ENPEP: variants seen among roughly 807,000 people sequenced by gnomAD.
ENPEP encodes AP-A.
In ENPEP, 103 loss-of-function variants were observed where a neutral mutation model predicts 114.5. That is an observed-to-expected ratio of 0.90 (90% CI 0.77 to 1.06). The LOEUF (loss-of-function observed/expected upper bound fraction) is 1.06, where lower values mean the gene tolerates loss of function less well. Ranked by LOEUF, ENPEP falls within the 50% of genes least tolerant of loss-of-function variation. ENPEP has a pLI of 0.00. For missense variants in ENPEP, 1,196 were observed against 1,161.3 expected (o/e 1.03, Z -0.43); for synonymous variants, 420 against 422.0 (o/e 1.00, Z 0.06).
chr4:110,483,640 G>A (rs957012020), intron 1 of ENPEP, among the ~76,000 whole-genome samples: 1 of 152,152 alleles, frequency 6.6e-6, no homozygotes. Flanking sequence ...ATTGTGCTAG[G>A]TCTAGTAAGT....
intron 5 of ENPEP, 60 bp from the exon 6 acceptor site, chr4:110,510,185 C>T: frequency 7.3e-7 from 1 of 1,372,384 alleles, no homozygotes; most frequent in Non-Finnish European, 1.0e-6. Context: ...TTGACATTTT[C>T]TAGGCCTCTC....
chr4:110,498,613 G>A (rs561076648), intron 3 of ENPEP, among the ~76,000 whole-genome samples: 3 of 152,144 alleles, frequency 2.0e-5, no homozygotes, highest in Non-Finnish European at 2.9e-5. Context: ...CAATAGACAA[G>A]GACAATAAGG....
At chr4:110,503,027 T>C (rs1210533002) in intron 3 of ENPEP, among the ~76,000 whole-genome samples, 1 of 152,148 alleles carries the variant, frequency 6.6e-6, no homozygotes, top group Non-Finnish European at 1.5e-5. Context: ...TTACATTAGG[T>C]ATATCTCCTA....
At chr4:110,530,263 A>G (rs1033092198) in intron 10 of ENPEP, among the ~76,000 whole-genome samples, 1 of 152,214 alleles carries the variant, frequency 6.6e-6, no homozygotes, top group Admixed American at 6.5e-5. Flanking sequence ...AAACACTTCA[A>G]TAGTTATAAA....
chr4:110,538,468 G>T (rs1726727228), intron 11 of ENPEP, among the ~76,000 whole-genome samples: 1 of 152,174 alleles, frequency 6.6e-6, no homozygotes, highest in Admixed American at 6.5e-5. Flanking sequence ...GAGAGTTAGG[G>T]TCCTTCTCTG....
chr4:110,549,254 C>T, intron 14 of ENPEP, 92 bp from the exon 15 acceptor site: 3 of 1,025,696 alleles, frequency 2.9e-6, no homozygotes, highest in Admixed American at 2.1e-5. Context: ...AGTAGGAAAA[C>T]AGATTATAAC....
At chr4:110,503,525 T>C (rs1405157262) in intron 3 of ENPEP, among the ~76,000 whole-genome samples, 1 of 152,194 alleles carries the variant, frequency 6.6e-6, no homozygotes, top group Admixed American at 6.5e-5. Flanking sequence ...TTCCTATCCA[T>C]ATTCTGAATT....
intron 12 of ENPEP, 32 bp downstream of exon 12, chr4:110,542,919 T>G (rs950012466): frequency 2.5e-6 from 4 of 1,610,640 alleles, no homozygotes; most frequent in Non-Finnish European, 3.4e-6. Context: ...AAACTTTTAT[T>G]TTTGTTCTAA....
chr4:110,542,460 C>T (rs534568960), intron 11 of ENPEP, among the ~76,000 whole-genome samples: 12 of 152,128 alleles, frequency 7.9e-5, no homozygotes, highest in South Asian at 2.1e-4. Context: ...TTGACCAGCA[C>T]GAAATTATTT....
chr4:110,507,261 A>G (rs1253129443), intron 4 of ENPEP, among the ~76,000 whole-genome samples: 1 of 152,212 alleles, frequency 6.6e-6, no homozygotes, highest in Non-Finnish European at 1.5e-5. Flanking sequence ...TGCTCCTTCC[A>G]GCAATAATTT....
intron 10 of ENPEP, among the ~76,000 whole-genome samples, chr4:110,523,299 GCT>G (rs544980818): frequency 1.7e-3 from 264 of 152,242 alleles, no homozygotes; most frequent in African/African-American, 6.1e-3. Flanking sequence ...GCTCTTGCTT[GCT>G]CTCTCTCACC....
chr4:110,561,379 T>C (rs1378936120), intron 19 of ENPEP, 27 bp from the exon 20 acceptor site: 2 of 1,608,478 alleles, frequency 1.2e-6, no homozygotes, highest in South Asian at 1.1e-5. Flanking sequence ...TAAATGACAA[T>C]CCTAATTACT....
intron 18 of ENPEP, chr4:110,559,022 A>C (rs183755301): frequency 6.6e-6 from 1 of 152,410 alleles, no homozygotes; most frequent in Non-Finnish European, 1.5e-5. Flanking sequence ...GTTCTGCCGT[A>C]ACGGAAACAC....
intron 10 of ENPEP, among the ~76,000 whole-genome samples, chr4:110,527,882 TTAAAC>T (rs1578409001): frequency 6.6e-6 from 1 of 152,212 alleles, no homozygotes; most frequent in East Asian, 1.9e-4. Context: ...AGTCAACAAT[TTAAAC>T]TAAGGAGTTT....
chr4:110,481,018 C>T (rs1422977030), intron 1 of ENPEP, among the ~76,000 whole-genome samples: 1 of 152,134 alleles, frequency 6.6e-6, no homozygotes, highest in Non-Finnish European at 1.5e-5. Flanking sequence ...TACTCAAACT[C>T]CAAAGTATAT....
rs1245161195 is a variant in ENPEP, at chr4:110,515,546, T to C, written c.1509+104T>C. The C allele has an allele frequency of 9.5e-6, 9 of 945,698 alleles. No individual in the cohort carries two copies. In the Admixed American group the frequency reaches 1.9e-4, roughly 20 times the overall value. The allele number at this position is 945,698 out of a possible 1,614,324, so 58.6% of individuals were successfully genotyped here. ...ATCAAGGATAATTTCCTTTTTAATCTCTTTACTGAGGCATAGATAATATAG... is the reference window on the plus strand; with the variant it reads ...ATCAAGGATAATTTCCTTTTTAATCCCTTTACTGAGGCATAGATAATATAG... On this transcript the variant is annotated intron_variant, in intron 8 of 19. Coordinates refer to ENST00000265162, the MANE Select transcript of ENPEP (RefSeq NM_001977.4).
In ENPEP at chr4:110,476,336, T is replaced by C; in HGVS notation, c.-79T>C. ...TGCCAAATCAGGGGATTCCTTCCAA[T>C]TTAAAAAGGAAGTCTGCTGACGTTA... is the stretch of plus-strand genomic sequence containing the variant. On this transcript the variant is annotated 5_prime_UTR_variant, in exon 1 of 20. Coordinates refer to ENST00000265162, the MANE Select transcript of ENPEP (RefSeq NM_001977.4). The C allele has an allele frequency of 6.8e-7, 1 of 1,477,742 alleles. No homozygotes were observed. Among genetic ancestry groups the C allele is most frequent in the African/African-American group, 1.4e-5 (1 of 71,286 alleles). The allele number at this position is 1,477,742 out of a possible 1,614,324, so 91.5% of individuals were successfully genotyped here. A position where few individuals can be genotyped will look rare whatever the true frequency, so the allele number is the denominator to read the frequency against.
At chr4:110,495,242 T>A (rs1380019994) in intron 3 of ENPEP, among the ~76,000 whole-genome samples, 2 of 152,198 alleles carry the variant, frequency 1.3e-5, no homozygotes, top group African/African-American at 4.8e-5. Flanking sequence ...TTAATTCATG[T>A]ACATTATTGA....
intron 11 of ENPEP, chr4:110,533,181 C>T: frequency 5.6e-6 from 2 of 357,708 alleles, no homozygotes; most frequent in Non-Finnish European, 1.2e-5. Context: ...TACAATTCAC[C>T]CAGCACTTTC....
Sources: allele counts gnomAD v4.1 joint callset (sites outside exome capture counted in the v4.1 genomes callset), GRCh38; gene constraint gnomAD v4.1.1; transcripts MANE v1.5; gene names NCBI Gene and HGNC (gene_info 2026-07-23, HGNC 2026-07-21).